The following PPP1R9A variants were observed in gnomAD, a reference collection of about 807,000 sequenced individuals.
PPP1R9A encodes the protein protein phosphatase 1 regulatory subunit 9A.
A neutral mutation model predicts 141.9 loss-of-function variants in PPP1R9A; 59 were observed. The observed-to-expected ratio is 0.42, with a 90% CI of 0.34 to 0.52. The LOEUF is 0.52. Ranked by LOEUF, PPP1R9A falls within the 20% of genes least tolerant of loss-of-function variation. The pLI, the probability that PPP1R9A is intolerant of heterozygous loss-of-function variation, is 0.10. For synonymous variants in PPP1R9A, 500 were observed against 569.7 expected, an observed-to-expected ratio of 0.88 and a Z score of 1.74; for missense variants, 1,444 against 1,611.9, an observed-to-expected ratio of 0.90 and a Z score of 1.78.
intron 8 of PPP1R9A, among the ~76,000 whole-genome samples, chr7:95,239,026 C>T (rs1302265366): frequency 6.6e-6 from 1 of 151,862 alleles, no homozygotes; most frequent in African/African-American, 2.4e-5. Flanking sequence ...ACATTGAGGC[C>T]AGATAATAGT....
At chr7:95,045,459 G>T (rs752156008) in intron 2 of PPP1R9A, among the ~76,000 whole-genome samples, 12 of 152,212 alleles carry the variant, frequency 7.9e-5, no homozygotes, top group Admixed American at 2.6e-4. Context: ...GTGAGCATGC[G>T]CAGTGTGTTT....
intron 2 of PPP1R9A, among the ~76,000 whole-genome samples, chr7:95,090,890 A>C (rs959394070): frequency 2.0e-5 from 3 of 152,046 alleles, no homozygotes; most frequent in Non-Finnish European, 4.4e-5. Context: ...AATTGGGATC[A>C]TGTATGTACA....
chr7:95,251,650 C>T, intron 10 of PPP1R9A, 112 bp from the exon 11 acceptor site: 1 of 938,650 alleles, frequency 1.1e-6, no homozygotes, highest in Non-Finnish European at 1.5e-6. Context: ...TGAATGTTGT[C>T]CATTTAAATA....
chr7:95,063,487 C>T (rs539393576), intron 2 of PPP1R9A, among the ~76,000 whole-genome samples: 2 of 152,222 alleles, frequency 1.3e-5, no homozygotes, highest in South Asian at 4.2e-4. Flanking sequence ...ATCACTTGAG[C>T]CCAGGCGGTC....
intron 2 of PPP1R9A, among the ~76,000 whole-genome samples, chr7:94,930,089 AGGG>A (rs1793966525): frequency 6.6e-6 from 1 of 152,156 alleles, no homozygotes; most frequent in East Asian, 1.9e-4. Context: ...GCAAAATACG[AGGG>A]ATGAACTCAT....
chr7:94,948,614 A>G (rs1207790687), intron 2 of PPP1R9A, among the ~76,000 whole-genome samples: 1 of 152,152 alleles, frequency 6.6e-6, no homozygotes, highest in Non-Finnish European at 1.5e-5. Flanking sequence ...TAAGGGGTAG[A>G]AAGGAAGTAT....
chr7:95,180,779 A>T (rs990136751), intron 5 of PPP1R9A, among the ~76,000 whole-genome samples: 8 of 151,794 alleles, frequency 5.3e-5, no homozygotes, highest in Non-Finnish European at 8.8e-5. Context: ...AATGCTCAAC[A>T]TCACTAATAA....
intron 2 of PPP1R9A, among the ~76,000 whole-genome samples, chr7:94,962,597 A>G (rs1038205775): frequency 2.0e-5 from 3 of 152,156 alleles, no homozygotes; most frequent in African/African-American, 7.2e-5. Flanking sequence ...AGTTCTATTT[A>G]TAAGCGTATA....
chr7:95,146,207 T>C (rs1457768001), intron 4 of PPP1R9A, among the ~76,000 whole-genome samples: 1 of 152,194 alleles, frequency 6.6e-6, no homozygotes, highest in African/African-American at 2.4e-5. Context: ...TGGCGTGAGA[T>C]GGTATCTCTT....
chr7:95,134,508 C>T (rs1825275043), intron 4 of PPP1R9A, among the ~76,000 whole-genome samples: 1 of 152,154 alleles, frequency 6.6e-6, no homozygotes, highest in African/African-American at 2.4e-5. Flanking sequence ...GTGATCTCGG[C>T]TCACCACAAC....
intron 2 of PPP1R9A, chr7:95,036,974 A>C (rs1410300537): frequency 6.6e-6 from 1 of 152,218 alleles, no homozygotes; most frequent in Admixed American, 6.5e-5. Flanking sequence ...GCTGTCGTTC[A>C]TACACAGGAA....
rs79405300 is a variant in PPP1R9A, at chr7:95,087,450, C to G, written c.1396-23809C>G. Among the ~76,000 whole-genome samples the G allele has an allele frequency of 6.3e-3, 957 of 152,174 alleles. 27 individuals are homozygous for G. The highest frequency in any genetic ancestry group is 0.022 in the African/African-American group (920 of 41,432). On this transcript the variant is annotated intron_variant, in intron 2 of 19. Coordinates refer to ENST00000433360, the MANE Select transcript of PPP1R9A (RefSeq NM_001166160.2). Reference sequence around the variant, plus strand: ...CTTCATTCACAGTACTATGGAATCTCTAATATGGGTCAGTGTTTTTGCTGG... The same window carrying G: ...CTTCATTCACAGTACTATGGAATCTGTAATATGGGTCAGTGTTTTTGCTGG...
intron 2 of PPP1R9A, among the ~76,000 whole-genome samples, chr7:94,980,139 G>A (rs889995626): frequency 6.8e-6 from 1 of 147,648 alleles, no homozygotes; most frequent in Non-Finnish European, 1.5e-5. Flanking sequence ...AAGAAGAATC[G>A]CCTTGGGCCA....
chr7:95,157,631 A>G (rs1446012205), intron 4 of PPP1R9A, among the ~76,000 whole-genome samples: 1 of 152,234 alleles, frequency 6.6e-6, no homozygotes, highest in African/African-American at 2.4e-5. Context: ...GGCTGCTGCT[A>G]TAACTAGGAT....
chr7:95,108,844 C>G (rs750888642), intron 2 of PPP1R9A: 4 of 152,032 alleles, frequency 2.6e-5, no homozygotes, highest in Non-Finnish European at 4.4e-5. Flanking sequence ...TATAGACACA[C>G]GCATACATAT....
chr7:94,991,756 A>G (rs376951422), intron 2 of PPP1R9A, among the ~76,000 whole-genome samples: 1 of 151,994 alleles, frequency 6.6e-6, no homozygotes, highest in Non-Finnish European at 1.5e-5. Flanking sequence ...GGCTCCAGTG[A>G]TCCTCCCACT....
intron 12 of PPP1R9A, among the ~76,000 whole-genome samples, chr7:95,253,530 G>A: frequency 6.7e-6 from 1 of 149,320 alleles, no homozygotes. Context: ...TGCCTCTTAG[G>A]CAGCTGAAAG....
At chr7:94,982,040 G>A (rs1008819946) in intron 2 of PPP1R9A, among the ~76,000 whole-genome samples, 7 of 140,088 alleles carry the variant, frequency 5.0e-5, no homozygotes, top group African/African-American at 1.9e-4. Flanking sequence ...AGTTCTCATC[G>A]TTCAATTCCC....
chr7:95,234,353 A>G (rs1419878783), intron 8 of PPP1R9A, among the ~76,000 whole-genome samples: 1 of 152,216 alleles, frequency 6.6e-6, no homozygotes, highest in Non-Finnish European at 1.5e-5. Flanking sequence ...ATTAATGTAC[A>G]CAAATCAGTA....
Sources: allele counts gnomAD v4.1 joint callset (sites outside exome capture counted in the v4.1 genomes callset), GRCh38; gene constraint gnomAD v4.1.1; transcripts MANE v1.5; gene names NCBI Gene and HGNC (gene_info 2026-07-23, HGNC 2026-07-21).